Variants in RANBP2 observed in about 807,000 individuals in gnomAD.
RANBP2 encodes the protein E3 SUMO-protein ligase RanBP2.
Under a neutral mutation model 303.6 loss-of-function variants are expected in RANBP2, and 57 were observed. The ratio of observed to expected loss-of-function variants is 0.19; its 90% CI spans 0.15 to 0.23. The LOEUF (loss-of-function observed/expected upper bound fraction) is 0.23. Among genes scored for constraint, RANBP2 ranks in the 10% least tolerant of loss-of-function variants. RANBP2 has a pLI of 1.00. For missense variants in RANBP2, 3,138 were observed against 3,780.8 expected (o/e 0.83, Z 4.46); for synonymous variants, 1,167 against 1,301.5 (o/e 0.90, Z 2.23).
At chr2:109,131,565 T>C in the RANBP2 span, among the ~76,000 whole-genome samples, 3 of 152,198 alleles carry the variant, frequency 2.0e-5, 1 homozygote, top group Admixed American at 2.0e-4. Flanking sequence ...TTTACAGATG[T>C]CCTCTCAGTT....
At chr2:109,392,750 T>C in the RANBP2 span, among the ~76,000 whole-genome samples, 1 of 151,824 alleles carries the variant, frequency 6.6e-6, no homozygotes, top group African/African-American at 2.4e-5. Flanking sequence ...CTCCTGACCT[T>C]GTGATCCGCC....
At chr2:109,683,738 C>T in the RANBP2 span, among the ~76,000 whole-genome samples, 3 of 152,082 alleles carry the variant, frequency 2.0e-5, no homozygotes, top group African/African-American at 4.8e-5. Context: ...TGCCCAGGCC[C>T]GGCACTCTCC....
the RANBP2 span, among the ~76,000 whole-genome samples, chr2:109,116,512 T>G: frequency 6.6e-6 from 1 of 152,214 alleles, no homozygotes; most frequent in East Asian, 1.9e-4. Context: ...CTGTATTGGT[T>G]ATTCTAGTTA....
At chr2:109,398,610 G>A in the RANBP2 span, 3 of 1,580,090 alleles carry the variant, frequency 1.9e-6, no homozygotes, top group South Asian at 2.3e-5. Flanking sequence ...CCGCCAAGCA[G>A]CTCATTGAGA....
chr2:108,942,586 T>A, the RANBP2 span, among the ~76,000 whole-genome samples: 1 of 152,364 alleles, frequency 6.6e-6, no homozygotes, highest in African/African-American at 2.4e-5. Flanking sequence ...GTGCCTTCAT[T>A]TTGTGAGTCT....
the RANBP2 span, among the ~76,000 whole-genome samples, chr2:109,607,316 A>G: frequency 6.6e-6 from 1 of 152,188 alleles, no homozygotes; most frequent in Non-Finnish European, 1.5e-5. Flanking sequence ...TATAATGTAC[A>G]GAGTATTTAG....
chr2:109,102,108 T>C, the RANBP2 span, among the ~76,000 whole-genome samples: 1 of 152,062 alleles, frequency 6.6e-6, no homozygotes, highest in Non-Finnish European at 1.5e-5. Flanking sequence ...TTATTTATTT[T>C]TTATTTTTTT....
chr2:109,438,094 A>T, the RANBP2 span, among the ~76,000 whole-genome samples: 1 of 152,252 alleles, frequency 6.6e-6, no homozygotes, highest in Non-Finnish European at 1.5e-5. Flanking sequence ...AACGAACACG[A>T]TGACCCATTA....
the RANBP2 span, among the ~76,000 whole-genome samples, chr2:109,157,209 G>A: frequency 6.6e-5 from 10 of 152,248 alleles, no homozygotes; most frequent in South Asian, 1.7e-3. Flanking sequence ...GATATTCACC[G>A]TCTCTTCTAC....
chr2:109,091,902 C>G, the RANBP2 span, among the ~76,000 whole-genome samples: 2 of 152,140 alleles, frequency 1.3e-5, no homozygotes, highest in African/African-American at 4.8e-5. Flanking sequence ...GTAGCTCCAC[C>G]ACCGAGTGTC....
chr2:109,368,708 T>TAAAAAA, the RANBP2 span, among the ~76,000 whole-genome samples: 3 of 136,796 alleles, frequency 2.2e-5, no homozygotes, highest in Non-Finnish European at 3.2e-5. Flanking sequence ...GTATTTTCTT[T>TAAAAAA]AAAAAAAAAA....
the RANBP2 span, among the ~76,000 whole-genome samples, chr2:109,770,049 A>T: frequency 9.4e-6 from 1 of 106,606 alleles, no homozygotes; most frequent in African/African-American, 4.7e-5. Flanking sequence ...GATTCAGACA[A>T]CCCGCCCCCC....
At chr2:109,031,937 T>C in the RANBP2 span, among the ~76,000 whole-genome samples, 6 of 120,080 alleles carry the variant, frequency 5.0e-5, no homozygotes, top group Non-Finnish European at 9.8e-5. Context: ...GTTCACTCTC[T>C]TTGACCTTTT....
the RANBP2 span, chr2:109,618,894 A>G: frequency 6.0e-6 from 1 of 167,066 alleles, no homozygotes; most frequent in Admixed American, 6.5e-5. Flanking sequence ...CTTGGAGTCT[A>G]GGTTGCCTTG....
the RANBP2 span, among the ~76,000 whole-genome samples, chr2:109,606,400 C>T: frequency 6.6e-6 from 1 of 152,028 alleles, no homozygotes; most frequent in African/African-American, 2.4e-5. Flanking sequence ...GGCGACAAAG[C>T]AAGACTCTGT....
chr2:108,731,924 C>T (rs1010428297), intron 4 of RANBP2: 1 of 185,616 alleles, frequency 5.4e-6, no homozygotes, highest in East Asian at 1.5e-4. Flanking sequence ...GGTGGTTTCT[C>T]TAGTATATAA....
At chr2:109,108,672 A>G in the RANBP2 span, among the ~76,000 whole-genome samples, 1 of 152,190 alleles carries the variant, frequency 6.6e-6, no homozygotes, top group Non-Finnish European at 1.5e-5. Flanking sequence ...TGGGAAATAA[A>G]GCTCCCACTT....
At chr2:108,874,323 T>A in the RANBP2 span, among the ~76,000 whole-genome samples, 2 of 152,188 alleles carry the variant, frequency 1.3e-5, no homozygotes, top group Non-Finnish European at 2.9e-5. Flanking sequence ...TGGATTTTTT[T>A]ATGAGAATCA....
Position 108,755,276 on chromosome 2 carries a change from C to A in RANBP2, c.2466+17C>A. Reference sequence around the variant, plus strand: ...GCCATTAAGGTAAGTCACTTAATTTCTCTAGCTGTACTTTTTATTCCAAGA... The same window carrying A: ...GCCATTAAGGTAAGTCACTTAATTTATCTAGCTGTACTTTTTATTCCAAGA... On this transcript the variant is annotated intron_variant, in intron 17 of 28. Transcript: ENST00000283195. 1 of 1,611,636 alleles carries A rather than the reference C, an allele frequency of 6.2e-7. No homozygotes were observed. Among genetic ancestry groups the A allele is most frequent in the Middle Eastern group, 2.3e-4 (1 of 4,428 alleles).
Sources: allele counts gnomAD v4.1 joint callset (sites outside exome capture counted in the v4.1 genomes callset), GRCh38; gene constraint gnomAD v4.1.1; transcripts MANE v1.5; gene names NCBI Gene and HGNC (gene_info 2026-07-23, HGNC 2026-07-21).